The following MKLN1 variants were observed in gnomAD, a reference collection of about 807,000 sequenced individuals.
The protein encoded by MKLN1 is muskelin 1.
Under a neutral mutation model 99.0 loss-of-function variants are expected in MKLN1, and 18 were observed. The observed-to-expected ratio is 0.18, with a 90% CI of 0.13 to 0.27. The LOEUF (loss-of-function observed/expected upper bound fraction) is 0.27, where lower values mean the gene tolerates loss of function less well. Ranked by LOEUF, MKLN1 falls within the 10% of genes least tolerant of loss-of-function variation. The pLI, the probability that MKLN1 is intolerant of heterozygous loss-of-function variation, is 1.00. For synonymous variants in MKLN1, 288 were observed against 293.2 expected (o/e 0.98, Z 0.18); for missense variants, 621 against 875.9 (o/e 0.71, Z 3.67).
intron 1 of MKLN1, among the ~76,000 whole-genome samples, chr7:131,330,307 C>G (rs1365707639): frequency 1.3e-5 from 2 of 152,138 alleles, no homozygotes; most frequent in African/African-American, 4.8e-5. Context: ...TTGAAATTGT[C>G]CACAAAGTGG....
chr7:131,166,240 G>A (rs1796122434), intron 2 of MKLN1, among the ~76,000 whole-genome samples: 1 of 152,168 alleles, frequency 6.6e-6, no homozygotes, highest in Admixed American at 6.5e-5. Flanking sequence ...GATTACTATG[G>A]TTTTGAGCAT....
At chr7:131,414,050 G>T (rs1162621854) in intron 7 of MKLN1, among the ~76,000 whole-genome samples, 47 of 152,240 alleles carry the variant, frequency 3.1e-4, no homozygotes, top group Non-Finnish European at 1.2e-4. Context: ...GGTGGGAACT[G>T]ATTGCTGAAA....
At chr7:131,163,101 G>A (rs1054633010) in intron 2 of MKLN1, among the ~76,000 whole-genome samples, 7 of 152,174 alleles carry the variant, frequency 4.6e-5, no homozygotes, top group Admixed American at 3.9e-4. Context: ...TGGCTTAAGC[G>A]CAACTCTGTC....
intron 3 of MKLN1, among the ~76,000 whole-genome samples, chr7:131,279,359 C>G (rs1483178233): frequency 6.6e-6 from 1 of 152,152 alleles, no homozygotes; most frequent in Non-Finnish European, 1.5e-5. Context: ...TCATGACATG[C>G]ATCTTTGCAA....
intron 3 of MKLN1, among the ~76,000 whole-genome samples, chr7:131,317,921 A>G (rs974867859): frequency 1.3e-5 from 2 of 152,184 alleles, no homozygotes; most frequent in Non-Finnish European, 2.9e-5. Context: ...TATCCTAAAT[A>G]TATATGCACC....
At chr7:131,186,607 T>A (rs776344637) in intron 2 of MKLN1, among the ~76,000 whole-genome samples, 1 of 152,210 alleles carries the variant, frequency 6.6e-6, no homozygotes, top group Admixed American at 6.5e-5. Flanking sequence ...GCTTACGGTC[T>A]GTTTTATTAC....
intron 3 of MKLN1, among the ~76,000 whole-genome samples, chr7:131,288,284 G>C (rs1242017139): frequency 2.0e-5 from 3 of 152,102 alleles, no homozygotes; most frequent in Non-Finnish European, 4.4e-5. Context: ...CATGGGTTTG[G>C]CATTAGGTAT....
At position 131,466,257 on chromosome 7, in the gene MKLN1, C is replaced by A; in HGVS notation, c.1789-19C>A. The A allele has an allele frequency of 6.5e-7, 1 of 1,547,786 alleles. No homozygotes were observed. Among genetic ancestry groups the A allele is most frequent in the Non-Finnish European group, 8.8e-7 (1 of 1,138,818 alleles). ...TATGCATGCATTTTTAAAAATCTGG[C>A]TTATTTTGCTTATTATAGGTTCATT... On this transcript the variant is annotated intron_variant, in intron 14 of 17. Transcript: ENST00000352689.
chr7:131,325,301 T>C (rs1798862076), upstream of MKLN1, among the ~76,000 whole-genome samples: 1 of 151,980 alleles, frequency 6.6e-6, no homozygotes, highest in African/African-American at 2.4e-5. Context: ...CTTAGAGTGC[T>C]AAGAGAAATG....
chr7:131,179,695 C>G (rs1238822983), intron 2 of MKLN1, among the ~76,000 whole-genome samples: 1 of 151,612 alleles, frequency 6.6e-6, no homozygotes, highest in African/African-American at 2.4e-5. Context: ...CTGCCTCAGC[C>G]TCCCGAGTAG....
At chr7:131,297,891 A>G (rs924875841) in intron 3 of MKLN1, among the ~76,000 whole-genome samples, 6 of 152,228 alleles carry the variant, frequency 3.9e-5, no homozygotes, top group Non-Finnish European at 5.9e-5. Flanking sequence ...CTCCTATTGG[A>G]AAGCCCAGCA....
At chr7:131,139,794 A>G (rs184420874) in intron 1 of MKLN1, among the ~76,000 whole-genome samples, 2 of 152,240 alleles carry the variant, frequency 1.3e-5, no homozygotes, top group South Asian at 2.1e-4. Flanking sequence ...GGTACAGAAG[A>G]AGAGTTAGGA....
intron 6 of MKLN1, among the ~76,000 whole-genome samples, chr7:131,400,840 C>T (rs1407760131): frequency 6.6e-6 from 1 of 152,016 alleles, no homozygotes; most frequent in Non-Finnish European, 1.5e-5. Flanking sequence ...TAGAAAGGAA[C>T]CAAGTTTAGA....
chr7:131,463,489 A>G (rs1480069235), intron 13 of MKLN1, 125 bp downstream of exon 13: 5 of 1,033,404 alleles, frequency 4.8e-6, no homozygotes, highest in Non-Finnish European at 7.2e-6. Flanking sequence ...AAAAGTCAGT[A>G]TTGGAAAAAA....
intron 2 of MKLN1, among the ~76,000 whole-genome samples, chr7:131,155,432 G>A (rs1055414915): frequency 2.0e-5 from 3 of 152,056 alleles, no homozygotes; most frequent in African/African-American, 4.8e-5. Flanking sequence ...TACATATATC[G>A]TGAATGTATT....
chr7:131,242,583 G>C, intron 3 of MKLN1: 1 of 467,708 alleles, frequency 2.1e-6, no homozygotes. Context: ...CCGAGGGGTT[G>C]CTGCTGAAAT....
At chr7:131,371,958 T>G (rs1009314515) in intron 1 of MKLN1, among the ~76,000 whole-genome samples, 1 of 151,990 alleles carries the variant, frequency 6.6e-6, no homozygotes, top group African/African-American at 2.4e-5. Context: ...ATTTTCTGTC[T>G]CAAATAATTT....
At chr7:131,390,303 T>A (rs532501872) in intron 4 of MKLN1, among the ~76,000 whole-genome samples, 1 of 152,300 alleles carries the variant, frequency 6.6e-6, no homozygotes, top group Admixed American at 6.5e-5. Context: ...AAGCAAATTT[T>A]AAAAATAAAT....
intron 1 of MKLN1, among the ~76,000 whole-genome samples, chr7:131,125,714 A>C (rs1795442918): frequency 6.6e-6 from 1 of 152,152 alleles, no homozygotes; most frequent in African/African-American, 2.4e-5. Context: ...TCTGCAAAAA[A>C]TTAAAAACAG....
Sources: gnomAD v4.1 joint callset for allele counts (sites outside exome capture counted in the v4.1 genomes callset) on GRCh38, gnomAD v4.1.1 for gene constraint, MANE v1.5 for transcripts, NCBI Gene and HGNC (gene_info 2026-07-23, HGNC 2026-07-21) for gene names.